Variants in PLEKHD1 observed in about 807,000 individuals in gnomAD.
The protein encoded by PLEKHD1 is pleckstrin homology and coiled-coil domain containing D1.
In PLEKHD1, 51 loss-of-function variants were observed where a neutral mutation model predicts 69.2. The ratio of observed to expected loss-of-function variants is 0.74; its 90% CI spans 0.59 to 0.93. The LOEUF is 0.93. PLEKHD1 is among the 40% of genes least tolerant of loss of function. PLEKHD1 has a pLI of 0.00. For synonymous variants in PLEKHD1, 236 were observed against 244.7 expected, an observed-to-expected ratio of 0.96 and a Z score of 0.33; for missense variants, 584 against 641.0, an observed-to-expected ratio of 0.91 and a Z score of 0.96.
chr14:69,471,090 CTTTTTTTTTTTTT>C, the PLEKHD1 span, among the ~76,000 whole-genome samples: 162 of 44,736 alleles, frequency 3.6e-3, 1 homozygote, highest in African/African-American at 0.013. Context: ...CGTGCCTGGC[CTTTTTTTTTTTTT>C]TTTTTTTTTT....
chr14:69,476,935 G>T, the PLEKHD1 span, among the ~76,000 whole-genome samples: 322 of 152,294 alleles, frequency 2.1e-3, 2 homozygotes, highest in African/African-American at 7.6e-3. Context: ...AAGGTGAAAG[G>T]CATGTCTCAT....
intron 6 of PLEKHD1, among the ~76,000 whole-genome samples, chr14:69,507,496 T>A (rs1883178213): frequency 6.6e-6 from 1 of 152,218 alleles, no homozygotes; most frequent in African/African-American, 2.4e-5. Context: ...TGTGTGGACA[T>A]ACATTTTCAG....
In PLEKHD1 at chr14:69,519,845, G is replaced by A. The variant is rs577313290; in HGVS notation, c.556-2438G>A. 1.2e-4 allele frequency among the ~76,000 whole-genome samples: 19 copies of A among 152,274 alleles called. 1 individual carries two copies. The highest frequency in any genetic ancestry group is 4.6e-4 in the Admixed American group (7 of 15,302). On this transcript the variant is annotated intron_variant, in intron 6 of 12. Transcript: ENST00000322564. The stretch of plus-strand genomic sequence containing the variant: ...GGTCCAGGGTGATCATTTGTGAAGC[G>A]GCAGAGGCCCCAGACCTGTAAAAGC...
chr14:69,500,408 C>A, intron 2 of PLEKHD1, 169 bp from the exon 3 acceptor site: 1 of 693,250 alleles, frequency 1.4e-6, no homozygotes, highest in Non-Finnish European at 2.4e-6. Context: ...CCTGCCCCAA[C>A]CCTTCCTCTT....
chr14:69,506,935 C>T (rs1883165316), intron 6 of PLEKHD1, among the ~76,000 whole-genome samples: 1 of 130,556 alleles, frequency 7.7e-6, no homozygotes, highest in Non-Finnish European at 1.5e-5. Context: ...CGGAATCTTG[C>T]CCTGTTGCCC....
chr14:69,519,764 T>C (rs1422903986), intron 6 of PLEKHD1, among the ~76,000 whole-genome samples: 2 of 152,144 alleles, frequency 1.3e-5, no homozygotes, highest in Admixed American at 6.5e-5. Context: ...GAAATGTTTG[T>C]AAGTTGGAGT....
At chr14:69,491,058 A>C (rs1048427318) in intron 1 of PLEKHD1, among the ~76,000 whole-genome samples, 2 of 152,200 alleles carry the variant, frequency 1.3e-5, no homozygotes, top group African/African-American at 4.8e-5. Flanking sequence ...ACCAAATCCC[A>C]TATCTAAAGG....
chr14:69,527,018 G>A (rs1883667361), intron 10 of PLEKHD1, among the ~76,000 whole-genome samples, 170 bp from the exon 11 acceptor site: 1 of 152,212 alleles, frequency 6.6e-6, no homozygotes, highest in Non-Finnish European at 1.5e-5. Context: ...CCTGCTGGGT[G>A]CAGGTGCCAA....
chr14:69,488,097 T>C (rs1047344516), intron 1 of PLEKHD1, among the ~76,000 whole-genome samples: 2 of 152,194 alleles, frequency 1.3e-5, no homozygotes, highest in Non-Finnish European at 2.9e-5. Flanking sequence ...CGCAGTTTAC[T>C]CTTGCAGAGC....
chr14:69,508,135 G>C (rs1362828292), intron 6 of PLEKHD1, among the ~76,000 whole-genome samples: 1 of 152,076 alleles, frequency 6.6e-6, no homozygotes, highest in African/African-American at 2.4e-5. Context: ...TAGGCCGGGC[G>C]TGGTGGCTCA....
intron 1 of PLEKHD1, among the ~76,000 whole-genome samples, chr14:69,488,353 C>T (rs969066147): frequency 3.3e-5 from 5 of 152,124 alleles, no homozygotes; most frequent in African/African-American, 9.7e-5. Context: ...ACACCAATGC[C>T]GAGCTTTCCC....
chr14:69,527,665 C>T (rs371853634), intron 11 of PLEKHD1, 118 bp from the exon 12 acceptor site: 50 of 1,332,276 alleles, frequency 3.8e-5, no homozygotes, highest in Middle Eastern at 4.8e-4. Context: ...TCTGGAATCT[C>T]GAGGGACGGG....
chr14:69,519,304 C>T (rs79079030), intron 6 of PLEKHD1, among the ~76,000 whole-genome samples: 1 of 151,928 alleles, frequency 6.6e-6, no homozygotes, highest in East Asian at 1.9e-4. Context: ...TGGGCTGTCA[C>T]GAGAGCCAGT....
At chr14:69,526,218 T>G in intron 9 of PLEKHD1, 96 bp downstream of exon 9, 3 of 1,290,922 alleles carry the variant, frequency 2.3e-6, no homozygotes, top group Non-Finnish European at 3.1e-6. Context: ...TACTTGGCAC[T>G]GACCAAGTAG....
At chr14:69,468,562 T>C in the PLEKHD1 span, among the ~76,000 whole-genome samples, 250 of 136,414 alleles carry the variant, frequency 1.8e-3, no homozygotes, top group African/African-American at 6.5e-3. Context: ...TCTTTCTTTC[T>C]TTCCTTCCTT....
intron 8 of PLEKHD1, 114 bp downstream of exon 8, chr14:69,524,436 C>T (rs1566565968): frequency 2.3e-6 from 2 of 881,196 alleles, no homozygotes; most frequent in South Asian, 1.6e-5. Context: ...GAGAAATGGG[C>T]ATGGAGGGGT....
chr14:69,527,875 C>G lies in PLEKHD1; in HGVS notation c.1294C>G (p.Arg432Gly). The change falls in exon 12 of 13, where the codon CGC becomes GGC. Residue 432 changes from arginine to glycine, a missense_variant. By Grantham distance (125) the Arg-to-Gly change is moderately radical. Transcript: ENST00000322564. The stretch of plus-strand genomic sequence containing the variant: ...CGTGTACATCCATAAGGCAGCCACT[C>G]GCCGCATCAAGAGCTGCCGCTTCCA... ...NSVYIHKAAT[R>G]RIKSCRFHRR... The G allele has an allele frequency of 1.9e-6, 3 of 1,551,476 alleles. No individual in the cohort carries two copies. The highest frequency in any genetic ancestry group is 1.7e-4 in the Middle Eastern group (1 of 5,992).
chr14:69,502,882 A>G lies in PLEKHD1; in HGVS notation c.555+3A>G, dbSNP rs750947150. 178 of 1,551,556 alleles carry G rather than the reference A, an allele frequency of 1.1e-4. No individual in the cohort carries two copies. Among genetic ancestry groups the G allele is most frequent in the Non-Finnish European group, 1.5e-4 (174 of 1,146,960 alleles). ...GCCTTCAGAGGGAGCAGAGAGAGGTAGGTGCACACCAAGGGGCTCTCAGCA... is the reference window on the plus strand; with the variant it reads ...GCCTTCAGAGGGAGCAGAGAGAGGTGGGTGCACACCAAGGGGCTCTCAGCA... On this transcript the variant is annotated splice_donor_region_variant and intron_variant, in intron 6 of 12. Coordinates refer to ENST00000322564, the MANE Select transcript of PLEKHD1 (RefSeq NM_001161498.2).
intron 6 of PLEKHD1, among the ~76,000 whole-genome samples, chr14:69,512,830 G>A (rs1197522911): frequency 6.6e-6 from 1 of 151,962 alleles, no homozygotes; most frequent in Non-Finnish European, 1.5e-5. Context: ...GGGAAGCCAA[G>A]GCAGGAGGAT....
Sources: allele counts gnomAD v4.1 joint callset (sites outside exome capture counted in the v4.1 genomes callset), GRCh38; gene constraint gnomAD v4.1.1; transcripts MANE v1.5; gene names NCBI Gene and HGNC (gene_info 2026-07-23, HGNC 2026-07-21).